Variants in VRK3 observed in about 807,000 individuals in gnomAD.
VRK3 encodes VRK serine/threonine kinase 3.
VRK3 carries 50 observed loss-of-function variants against 60.4 expected under a neutral mutation model. The ratio of observed to expected loss-of-function variants is 0.83; its 90% CI spans 0.66 to 1.05. VRK3 has a LOEUF of 1.05. Among genes scored for constraint, VRK3 ranks in the 50% least tolerant of loss-of-function variants. The pLI, the probability that VRK3 is intolerant of heterozygous loss-of-function variation, is 0.00. For missense variants in VRK3, 549 were observed against 585.3 expected (o/e 0.94, Z 0.64); for synonymous variants, 246 against 227.8 (o/e 1.08, Z -0.72).
At chr19:49,994,344 G>T (rs2076664102) in intron 9 of VRK3, among the ~76,000 whole-genome samples, 1 of 152,216 alleles carries the variant, frequency 6.6e-6, no homozygotes. Flanking sequence ...CCCGGGGACA[G>T]CGTCTGGCAC....
At chr19:50,006,566 A>G (rs1409272893) in intron 5 of VRK3, among the ~76,000 whole-genome samples, 1 of 151,946 alleles carries the variant, frequency 6.6e-6, no homozygotes, top group Non-Finnish European at 1.5e-5. Flanking sequence ...TAGTAGAGAC[A>G]GGGTTTCACC....
intron 12 of VRK3, among the ~76,000 whole-genome samples, chr19:49,982,644 G>A (rs2076442919): frequency 6.6e-6 from 1 of 152,164 alleles, no homozygotes; most frequent in Non-Finnish European, 1.5e-5. Context: ...GTCTGTAAGT[G>A]GCCATGAAAG....
rs147005895 is a variant in VRK3 at position 49,980,823 on chromosome 19, G to A, written c.1276+132C>T. The A allele has an allele frequency of 4.5e-4, 320 of 715,512 alleles. 2 individuals are homozygous for A. In the East Asian group the frequency reaches 5.1e-3, roughly 11 times the overall value. The allele number at this position is 715,512 out of a possible 1,614,324, so 44.3% of individuals were successfully genotyped here. On this transcript the variant is annotated intron_variant, in intron 13 of 14. Transcript: ENST00000316763. ...TTGACGATTTTGTCTTTCTACAATG[G>A]GTACGTATTACAAATGCAATTTGGA...
chr19:50,016,125 T>TG lies in VRK3; in HGVS notation c.37dup (p.Gln13ProfsTer45). The TG allele has an allele frequency of 6.2e-7, 1 of 1,614,236 alleles. No individual in the cohort carries two copies. Among genetic ancestry groups the TG allele is most frequent in the Non-Finnish European group, 8.5e-7 (1 of 1,180,048 alleles). On this transcript the variant is annotated frameshift_variant, in exon 3 of 15. Transcript: ENST00000316763. LOFTEE classifies it high-confidence loss of function. Reference sequence around the variant, plus strand: ...GTAGGGGCAGAATTTGAATGCCGCTTGGATACTTTTGCCACAGTCTGGACA... The same window carrying TG: ...GTAGGGGCAGAATTTGAATGCCGCTTGGGATACTTTTGCCACAGTCTGGACA...
intron 4 of VRK3, among the ~76,000 whole-genome samples, chr19:50,008,993 G>A (rs778016655): frequency 1.3e-5 from 2 of 152,166 alleles, no homozygotes. Flanking sequence ...AGGGCACCAG[G>A]AACAGTAGGG....
rs764311162 is a variant in VRK3 at position 49,979,259 on chromosome 19, C to T, written c.1277-17G>A. ...GCAGGGTCTCTGTGGTCAAGACAAC[C>T]CCCAGCAAGGGAGAGCCTGAGAGGC... is the stretch of plus-strand genomic sequence containing the variant. On this transcript the variant is annotated splice_polypyrimidine_tract_variant and intron_variant, in intron 13 of 14. Coordinates refer to ENST00000316763, the MANE Select transcript of VRK3 (RefSeq NM_016440.4). The T allele has an allele frequency of 6.2e-7, 1 of 1,614,012 alleles. No homozygotes were observed. Among genetic ancestry groups the T allele is most frequent in the Non-Finnish European group, 8.5e-7 (1 of 1,179,994 alleles).
At chr19:50,017,035 CA>C (rs1159742146) in intron 2 of VRK3, among the ~76,000 whole-genome samples, 2 of 150,826 alleles carry the variant, frequency 1.3e-5, no homozygotes, top group East Asian at 2.0e-4. Flanking sequence ...ACTAAAAATA[CA>C]AAAAAAAATT....
At chr19:50,000,556 A>T in intron 6 of VRK3, 1 of 570,620 alleles carries the variant, frequency 1.8e-6, no homozygotes, top group Non-Finnish European at 3.1e-6. Context: ...TGCCCAGGTC[A>T]CACAGCAGGG....
chr19:49,989,570 G>C, intron 11 of VRK3, 69 bp downstream of exon 11: 3 of 1,524,022 alleles, frequency 2.0e-6, no homozygotes, highest in Non-Finnish European at 2.7e-6. Flanking sequence ...CTCTGGCTGT[G>C]AACTCCTAGA....
At chr19:50,006,654 C>T (rs749744158) in intron 5 of VRK3, among the ~76,000 whole-genome samples, 2 of 152,132 alleles carry the variant, frequency 1.3e-5, no homozygotes, top group African/African-American at 2.4e-5. Flanking sequence ...GGATTACAGG[C>T]GTGAGCCACC....
chr19:49,994,712 A>G, intron 9 of VRK3, 102 bp downstream of exon 9: 1 of 1,022,010 alleles, frequency 9.8e-7, no homozygotes, highest in Non-Finnish European at 1.4e-6. Flanking sequence ...TGTGCAGCGG[A>G]GGGGGGTGGG....
rs2076379090 is a variant in VRK3, at chr19:49,979,145, C to A, written c.1374G>T (p.Gln458His). The A allele has an allele frequency of 6.2e-7, 1 of 1,613,862 alleles. No homozygotes were observed. The highest frequency in any genetic ancestry group is 1.3e-5 in the African/African-American group (1 of 74,910). ...MLRNNLEALL[Q>H]DLRVSPYDPI... is the part of the protein sequence containing the mutation. Reference sequence around the variant, plus strand: ...GGTCATATGGAGACACACGCAGATCCTGCAGCAAAGCTTCTAGGTTGTTCC... The same window carrying A: ...GGTCATATGGAGACACACGCAGATCATGCAGCAAAGCTTCTAGGTTGTTCC... The change falls in exon 14 of 15, where the codon CAG becomes CAT. Residue 458 changes from glutamine (Q) to histidine (H), a missense_variant. Coordinates refer to ENST00000316763, the MANE Select transcript of VRK3 (RefSeq NM_016440.4).
At chr19:49,984,799 T>G (rs2123037269) in intron 12 of VRK3, among the ~76,000 whole-genome samples, 1 of 152,238 alleles carries the variant, frequency 6.6e-6, no homozygotes, top group Middle Eastern at 3.4e-3. Context: ...ACCCGGCTAC[T>G]TTTTTTGTAG....
In VRK3 at chr19:50,000,771, C is replaced by T. The variant is rs777292976; in HGVS notation, c.612+19G>A. 2 of 1,607,498 alleles carry T rather than the reference C, an allele frequency of 1.2e-6. No homozygotes were observed. Among genetic ancestry groups the T allele is most frequent in the East Asian group, 4.5e-5 (2 of 44,612 alleles). ...AGTCCCTCCCCTCCAAGCTGCCCCC[C>T]ACCTGCAGGGTCACTTACCAGTTTG... On this transcript the variant is annotated intron_variant, in intron 6 of 14. Coordinates refer to ENST00000316763, the MANE Select transcript of VRK3 (RefSeq NM_016440.4).
intron 12 of VRK3, among the ~76,000 whole-genome samples, chr19:49,984,792 C>T (rs574634021): frequency 9.9e-5 from 15 of 152,168 alleles, no homozygotes; most frequent in Non-Finnish European, 1.9e-4. Flanking sequence ...CCACCACACC[C>T]GGCTACTTTT....
At chr19:49,983,567 C>T (rs1390608940) in intron 12 of VRK3, among the ~76,000 whole-genome samples, 2 of 152,258 alleles carry the variant, frequency 1.3e-5, no homozygotes, top group Admixed American at 6.5e-5. Flanking sequence ...GCCAGGTGGG[C>T]AGCCCTAACA....
intron 10 of VRK3, among the ~76,000 whole-genome samples, chr19:49,991,072 T>G (rs1043652461): frequency 2.0e-5 from 3 of 152,122 alleles, no homozygotes; most frequent in Non-Finnish European, 4.4e-5. Flanking sequence ...GAATTACAGG[T>G]GTGAGCCACT....
chr19:50,004,815 G>C (rs1236579910), intron 5 of VRK3, among the ~76,000 whole-genome samples: 4 of 152,002 alleles, frequency 2.6e-5, no homozygotes, highest in East Asian at 3.9e-4. Context: ...GAGGCTGAGG[G>C]GGGAGAATCA....
chr19:49,995,419 T>C, intron 7 of VRK3, 144 bp from the exon 8 acceptor site: 8 of 692,740 alleles, frequency 1.2e-5, no homozygotes, highest in East Asian at 2.7e-5. Flanking sequence ...GGGTGGGTGA[T>C]GGTGGGAAGG....
Sources: gnomAD v4.1 joint callset for allele counts (sites outside exome capture counted in the v4.1 genomes callset) on GRCh38, gnomAD v4.1.1 for gene constraint, MANE v1.5 for transcripts, NCBI Gene and HGNC (gene_info 2026-07-23, HGNC 2026-07-21) for gene names.